The following UBE2V2 variants were observed in gnomAD, a reference collection of about 807,000 sequenced individuals.
UBE2V2 encodes the protein ubiquitin conjugating enzyme E2 V2.
A neutral mutation model predicts 17.2 loss-of-function variants in UBE2V2; 9 were observed. The ratio of observed to expected loss-of-function variants is 0.52; its 90% confidence interval spans 0.32 to 0.91. The LOEUF is 0.91. UBE2V2 is among the 40% of genes least tolerant of loss of function. The pLI is 0.04. For synonymous variants in UBE2V2, 61 were observed against 57.5 expected, an observed-to-expected ratio of 1.06 and a Z score of -0.28; for missense variants, 133 against 182.6, an observed-to-expected ratio of 0.73 and a Z score of 1.56.
intron 1 of UBE2V2, chr8:48,034,914 C>T (rs889544905): frequency 2.9e-5 from 15 of 517,090 alleles, no homozygotes; most frequent in African/African-American, 8.4e-5. Flanking sequence ...GCTTGTTGCC[C>T]GGGACGCCTT....
At chr8:48,008,425 G>A (rs531673908), upstream of UBE2V2, 6 of 1,561,708 alleles carry the variant, frequency 3.8e-6, no homozygotes, top group South Asian at 2.3e-5. Context: ...GTGCGTGCGT[G>A]CGGGCGGCTG....
chr8:48,025,278 T>C (rs565806332), intron 1 of UBE2V2, among the ~76,000 whole-genome samples: 6 of 151,076 alleles, frequency 4.0e-5, no homozygotes, highest in Admixed American at 2.0e-4. Flanking sequence ...CTTTTCTTTT[T>C]TTTTTTTGAG....
intron 1 of UBE2V2, among the ~76,000 whole-genome samples, chr8:48,035,902 T>G (rs1372925173): frequency 6.6e-6 from 1 of 150,842 alleles, no homozygotes; most frequent in Non-Finnish European, 1.5e-5. Context: ...AAAAAAAAAT[T>G]GGAAGTTGTA....
At chr8:48,009,482 T>C (rs753352505) in intron 1 of UBE2V2, among the ~76,000 whole-genome samples, 2 of 152,138 alleles carry the variant, frequency 1.3e-5, no homozygotes, top group Non-Finnish European at 2.9e-5. Flanking sequence ...GCCAGACTGG[T>C]CTCGAACTCC....
intron 1 of UBE2V2, among the ~76,000 whole-genome samples, chr8:48,035,629 T>TG (rs1554657532): frequency 9.7e-4 from 130 of 133,398 alleles, no homozygotes; most frequent in South Asian, 8.5e-3. Context: ...GTTTTTTTTT[T>TG]TTTGTGTGTG....
At chr8:48,023,217 A>G (rs1316904069) in intron 1 of UBE2V2, among the ~76,000 whole-genome samples, 2 of 150,506 alleles carry the variant, frequency 1.3e-5, no homozygotes, top group African/African-American at 4.9e-5. Context: ...TTCTTTAGAT[A>G]TACTTTTTTT....
the UBE2V2 span, among the ~76,000 whole-genome samples, chr8:48,002,887 C>T: frequency 1.3e-5 from 2 of 151,792 alleles, no homozygotes; most frequent in East Asian, 3.9e-4. Context: ...GTAATGTATA[C>T]GTATTTCAAA....
At chr8:48,058,234 T>C (rs1244543640) in intron 3 of UBE2V2, among the ~76,000 whole-genome samples, 4 of 152,002 alleles carry the variant, frequency 2.6e-5, no homozygotes, top group Non-Finnish European at 5.9e-5. Flanking sequence ...TTTGGGAGGC[T>C]GAGGCGGGTG....
chr8:48,042,884 C>T (rs1355648891), intron 1 of UBE2V2, 149 bp from the exon 2 acceptor site: 29 of 721,324 alleles, frequency 4.0e-5, no homozygotes, highest in Non-Finnish European at 5.8e-5. Flanking sequence ...TTAGATTCAG[C>T]ATTTTCTGGA....
chr8:48,028,943 G>A (rs866482971), intron 1 of UBE2V2, among the ~76,000 whole-genome samples: 3 of 152,032 alleles, frequency 2.0e-5, no homozygotes, highest in South Asian at 4.2e-4. Flanking sequence ...TTGTCCTTTG[G>A]AACCCAAAAG....
intron 1 of UBE2V2, among the ~76,000 whole-genome samples, chr8:48,039,716 A>G (rs1219064944): frequency 6.6e-6 from 1 of 152,076 alleles, no homozygotes; most frequent in African/African-American, 2.4e-5. Flanking sequence ...TTCCAACACC[A>G]TTAACTTTTC....
At position 48,061,073 on chromosome 8, in the gene UBE2V2, A is replaced by C; in HGVS notation, c.*245A>C. Reference sequence around the variant, plus strand: ...TGTCATTTAAACATAAACCTGGAGTACTCGAAATAGAATTCAGGTTTACAA... The same window carrying C: ...TGTCATTTAAACATAAACCTGGAGTCCTCGAAATAGAATTCAGGTTTACAA... On this transcript the variant is annotated 3_prime_UTR_variant, in exon 4 of 4. Coordinates refer to ENST00000523111, the MANE Select transcript of UBE2V2 (RefSeq NM_003350.3). 3.7e-6 allele frequency: 1 copy of C among 272,188 alleles called. No homozygotes were observed. The highest frequency in any genetic ancestry group is 6.8e-6 in the Non-Finnish European group (1 of 147,376). The allele number at this position is 272,188 out of a possible 1,614,324, so 16.9% of individuals were successfully genotyped here.
chr8:48,043,918 G>T (rs1405239197), intron 2 of UBE2V2, among the ~76,000 whole-genome samples: 1 of 149,744 alleles, frequency 6.7e-6, no homozygotes, highest in African/African-American at 2.5e-5. Flanking sequence ...TTTTTTTCTA[G>T]CTTGGGATTT....
At chr8:48,039,002 C>T (rs1016072393) in intron 1 of UBE2V2, among the ~76,000 whole-genome samples, 5 of 150,438 alleles carry the variant, frequency 3.3e-5, no homozygotes, top group Non-Finnish European at 7.4e-5. Flanking sequence ...GATCCCAGCT[C>T]ACCGCAACCT....
At chr8:48,000,619 A>C in the UBE2V2 span, among the ~76,000 whole-genome samples, 1 of 151,950 alleles carries the variant, frequency 6.6e-6, no homozygotes, top group African/African-American at 2.4e-5. Context: ...CAGGAGATAG[A>C]GACCATCCTG....
At chr8:48,020,319 T>C (rs2091296361) in intron 1 of UBE2V2, among the ~76,000 whole-genome samples, 1 of 152,106 alleles carries the variant, frequency 6.6e-6, no homozygotes, top group Non-Finnish European at 1.5e-5. Context: ...TTATAGGGTC[T>C]TGTTCTCTCT....
intron 1 of UBE2V2, among the ~76,000 whole-genome samples, chr8:48,035,546 G>GT (rs1371789853): frequency 6.8e-6 from 1 of 147,994 alleles, no homozygotes; most frequent in Non-Finnish European, 1.5e-5. Context: ...TCTGCGCCCT[G>GT]TTTTTTTGTC....
chr8:48,026,858 G>A (rs528623801), intron 1 of UBE2V2, among the ~76,000 whole-genome samples: 1 of 152,280 alleles, frequency 6.6e-6, no homozygotes, highest in Non-Finnish European at 1.5e-5. Context: ...TTGGGAATAA[G>A]GCTGCTGTAA....
upstream of UBE2V2, among the ~76,000 whole-genome samples, chr8:48,005,181 C>G (rs934825357): frequency 3.3e-5 from 5 of 152,032 alleles, no homozygotes; most frequent in African/African-American, 9.7e-5. Context: ...CCCCCAACCC[C>G]TGACAGGCCC....
Sources: allele counts gnomAD v4.1 joint callset (sites outside exome capture counted in the v4.1 genomes callset), GRCh38; gene constraint gnomAD v4.1.1; transcripts MANE v1.5; gene names NCBI Gene and HGNC (gene_info 2026-07-23, HGNC 2026-07-21).